The following NELL2 variants were observed in gnomAD, a reference collection of about 807,000 sequenced individuals.
NELL2 encodes the protein protein kinase C-binding protein NELL2.
A neutral mutation model predicts 109.6 loss-of-function variants in NELL2; 41 were observed. The observed-to-expected ratio is 0.37, with a 90% CI of 0.29 to 0.49. The LOEUF (loss-of-function observed/expected upper bound fraction) is 0.49, where lower values mean the gene tolerates loss of function less well. Ranked by LOEUF, NELL2 falls within the 20% of genes least tolerant of loss-of-function variation. The pLI is 0.98. For missense variants in NELL2, 900 were observed against 1,008.3 expected (o/e 0.89, Z 1.45); for synonymous variants, 355 against 344.7 (o/e 1.03, Z -0.33).
chr12:44,599,779 A>G (rs961974674), intron 15 of NELL2, among the ~76,000 whole-genome samples: 3 of 152,104 alleles, frequency 2.0e-5, no homozygotes, highest in Admixed American at 2.0e-4. Context: ...CGCAGGCACA[A>G]TGCTTTGAAA....
chr12:44,791,218 A>G (rs1942417653), intron 3 of NELL2, among the ~76,000 whole-genome samples: 1 of 93,548 alleles, frequency 1.1e-5, no homozygotes, highest in African/African-American at 4.0e-5. Context: ...ATATATATAT[A>G]TATATATATG....
At position 44,760,733 on chromosome 12, in the gene NELL2, A is replaced by G. The variant is rs1000382498; in HGVS notation, c.994+14014T>C. ...AGTTAACTAGATTATTATCTCATGT[A>G]CACAAAAAATAAATCCCAGGTTGTT... is the stretch of plus-strand genomic sequence containing the variant. On this transcript the variant is annotated intron_variant, in intron 9 of 19. Coordinates refer to ENST00000429094, the MANE Select transcript of NELL2 (RefSeq NM_001145108.2). 3.9e-5 allele frequency among the ~76,000 whole-genome samples: 6 copies of G among 152,280 alleles called. No individual in the cohort carries two copies. The East Asian group carries it at 9.7e-4, about 24-fold the overall frequency.
At chr12:44,511,678 T>C (rs1300177175) in intron 19 of NELL2, among the ~76,000 whole-genome samples, 1 of 152,186 alleles carries the variant, frequency 6.6e-6, no homozygotes, top group Admixed American at 6.5e-5. Flanking sequence ...GAGCCACAGT[T>C]TGAAGGTTGA....
chr12:44,744,788 C>A (rs866848448), intron 9 of NELL2, among the ~76,000 whole-genome samples: 5 of 152,118 alleles, frequency 3.3e-5, no homozygotes, highest in South Asian at 2.1e-4. Flanking sequence ...CAATAACAGG[C>A]TCTGAAATTA....
At chr12:44,575,341 A>G (rs1944035259) in intron 15 of NELL2, among the ~76,000 whole-genome samples, 1 of 152,248 alleles carries the variant, frequency 6.6e-6, no homozygotes, top group South Asian at 2.1e-4. Flanking sequence ...TTATTTTTCA[A>G]TCAGGTATGT....
chr12:44,782,200 G>A (rs183226391), intron 3 of NELL2, among the ~76,000 whole-genome samples: 34 of 151,742 alleles, frequency 2.2e-4, no homozygotes, highest in East Asian at 7.7e-4. Context: ...ATGACTATAC[G>A]AACAATCAGT....
At chr12:44,621,356 G>C (rs916143661) in intron 13 of NELL2, among the ~76,000 whole-genome samples, 2 of 152,098 alleles carry the variant, frequency 1.3e-5, no homozygotes, top group African/African-American at 4.8e-5. Flanking sequence ...TAGGTGAAAG[G>C]ACTTTGGAGT....
At chr12:44,878,778 A>C (rs913514270), upstream of NELL2, among the ~76,000 whole-genome samples, 5 of 152,196 alleles carry the variant, frequency 3.3e-5, no homozygotes, top group Non-Finnish European at 5.9e-5. Flanking sequence ...TATGTATTAT[A>C]TCTACATACA....
chr12:44,526,083 A>C (rs1314331114), intron 16 of NELL2, among the ~76,000 whole-genome samples: 1 of 152,148 alleles, frequency 6.6e-6, no homozygotes, highest in Non-Finnish European at 1.5e-5. Flanking sequence ...GCCCAGGTAA[A>C]GGTCATGTTA....
At chr12:44,666,528 T>C (rs1173577734) in intron 12 of NELL2, among the ~76,000 whole-genome samples, 2 of 152,154 alleles carry the variant, frequency 1.3e-5, no homozygotes, top group African/African-American at 2.4e-5. Flanking sequence ...CTATAAGAGA[T>C]AGCTAGGTGA....
chr12:44,820,660 T>A (rs1943512956), intron 2 of NELL2, among the ~76,000 whole-genome samples: 1 of 149,084 alleles, frequency 6.7e-6, no homozygotes, highest in African/African-American at 2.5e-5. Flanking sequence ...TGGTCACTAA[T>A]AAATCACAAG....
At chr12:44,776,389 GA>G (rs1386382150) in intron 7 of NELL2, among the ~76,000 whole-genome samples, 2 of 151,932 alleles carry the variant, frequency 1.3e-5, no homozygotes, top group Non-Finnish European at 2.9e-5. Flanking sequence ...TAATTTATAA[GA>G]CATAAATCAA....
chr12:44,605,372 C>T (rs1036641266), intron 15 of NELL2, among the ~76,000 whole-genome samples: 2 of 152,114 alleles, frequency 1.3e-5, no homozygotes, highest in Non-Finnish European at 2.9e-5. Context: ...TTGCCCAAGG[C>T]AACATAACAT....
At chr12:44,601,497 T>C (rs889627106) in intron 15 of NELL2, among the ~76,000 whole-genome samples, 6 of 152,172 alleles carry the variant, frequency 3.9e-5, no homozygotes, top group African/African-American at 1.4e-4. Flanking sequence ...ACCACTATAG[T>C]ACAGTAAAAT....
intron 15 of NELL2, among the ~76,000 whole-genome samples, chr12:44,553,092 G>A (rs1943103348): frequency 7.5e-6 from 1 of 133,782 alleles, no homozygotes; most frequent in Admixed American, 8.0e-5. Flanking sequence ...ACACAGGAAG[G>A]GGAATATCAC....
chr12:44,905,475 A>G (rs1413633863), intron 1 of NELL2, among the ~76,000 whole-genome samples: 1 of 151,978 alleles, frequency 6.6e-6, no homozygotes, highest in Non-Finnish European at 1.5e-5. Flanking sequence ...TTCTTCTGTA[A>G]GATGTGTTCT....
chr12:44,912,706 C>T lies in NELL2; in HGVS notation c.38+1093G>A, dbSNP rs74710226. Among the ~76,000 whole-genome samples, 332 of 152,182 alleles carry T rather than the reference C, an allele frequency of 2.2e-3. 2 individuals are homozygous for T. Among genetic ancestry groups the T allele is most frequent in the African/African-American group, 7.4e-3 (309 of 41,536 alleles). On this transcript the variant is annotated intron_variant, in intron 1 of 20. Coordinates refer to the NELL2 transcript ENST00000333837. ...AAGCCTAATAGTGCATAAAAGTCCA[C>T]GAGCCTTATAAATTCGAATTGTTTA...
intron 9 of NELL2, among the ~76,000 whole-genome samples, chr12:44,761,727 G>A (rs1941135168): frequency 6.6e-6 from 1 of 152,134 alleles, no homozygotes; most frequent in African/African-American, 2.4e-5. Context: ...ATCTTTTGAA[G>A]CAGCCATAGA....
At chr12:44,511,575 C>A (rs1941005109) in intron 19 of NELL2, among the ~76,000 whole-genome samples, 1 of 152,166 alleles carries the variant, frequency 6.6e-6, no homozygotes, top group Non-Finnish European at 1.5e-5. Context: ...GGGGAAATAT[C>A]TATAAAAGAA....
Sources: gnomAD v4.1 joint callset for allele counts (sites outside exome capture counted in the v4.1 genomes callset) on GRCh38, gnomAD v4.1.1 for gene constraint, MANE v1.5 for transcripts, NCBI Gene and HGNC (gene_info 2026-07-23, HGNC 2026-07-21) for gene names.